The following ANTXR2 variants were observed in gnomAD, a reference collection of about 807,000 sequenced individuals.
ANTXR2 encodes the protein anthrax toxin receptor 2.
ANTXR2 carries 44 observed loss-of-function variants against 73.7 expected under a neutral mutation model. That is an observed-to-expected ratio of 0.60 (90% CI 0.47 to 0.77). The LOEUF (loss-of-function observed/expected upper bound fraction) is 0.77. ANTXR2 is among the 30% of genes least tolerant of loss of function. ANTXR2 has a pLI of 0.00. For missense variants in ANTXR2, 604 were observed against 592.5 expected, an observed-to-expected ratio of 1.02 and a Z score of -0.20; for synonymous variants, 217 against 205.9, an observed-to-expected ratio of 1.05 and a Z score of -0.46.
chr4:79,966,979 G>A (rs1457005914), intron 16 of ANTXR2, among the ~76,000 whole-genome samples: 1 of 27,088 alleles, frequency 3.7e-5, no homozygotes, highest in African/African-American at 5.6e-5. Context: ...CGCAGAAGAC[G>A]GTGATTTCTG....
At chr4:79,953,800 C>A (rs148571355) in intron 16 of ANTXR2, among the ~76,000 whole-genome samples, 1 of 151,774 alleles carries the variant, frequency 6.6e-6, no homozygotes, top group Non-Finnish European at 1.5e-5. Flanking sequence ...AATTTTCTGA[C>A]GCCAATATTT....
At position 79,902,680 on chromosome 4, in the gene ANTXR2, A is replaced by G. The variant is rs1034117177; in HGVS notation, c.*4749T>C. On this transcript the variant is annotated 3_prime_UTR_variant, in exon 17 of 17. Transcript: ENST00000403729. ...CAAATTTAATTATAAGAAATTAACT[A>G]AGAAATTATTATGGCTAATTATCAA... The G allele has an allele frequency of 6.6e-6, 1 of 152,100 alleles. No individual in the cohort carries two copies. The highest frequency in any genetic ancestry group is 1.5e-5 in the Non-Finnish European group (1 of 68,014). 9.4% of individuals were successfully genotyped at this position (152,100 alleles called of 1,614,324 possible). A position where few individuals can be genotyped will look rare whatever the true frequency, so the allele number is the denominator to read the frequency against.
At position 79,903,094 on chromosome 4, in the gene ANTXR2, A is replaced by C. The variant is rs2109917012; in HGVS notation, c.*4335T>G. Reference sequence around the variant, plus strand: ...AACCCAGGAAGAGGAGGTTACAGTCAGCCCAGACCATGCCATTGAACTCCA... The same window carrying C: ...AACCCAGGAAGAGGAGGTTACAGTCCGCCCAGACCATGCCATTGAACTCCA... On this transcript the variant is annotated 3_prime_UTR_variant, in exon 17 of 17. Transcript: ENST00000403729. The C allele has an allele frequency of 6.6e-6, 1 of 152,066 alleles. No homozygotes were observed. Among genetic ancestry groups the C allele is most frequent in the South Asian group, 2.1e-4 (1 of 4,820 alleles). The allele number at this position is 152,066 out of a possible 1,614,324, so 9.4% of individuals were successfully genotyped here. A position where few individuals can be genotyped will look rare whatever the true frequency, so the allele number is the denominator to read the frequency against.
At chr4:79,976,146 TC>T (rs1233017885) in intron 16 of ANTXR2, among the ~76,000 whole-genome samples, 2 of 151,962 alleles carry the variant, frequency 1.3e-5, no homozygotes, top group Admixed American at 1.3e-4. Context: ...TCTCCTGACC[TC>T]GTGATCCGCC....
intron 10 of ANTXR2, among the ~76,000 whole-genome samples, 153 bp from the exon 11 acceptor site, chr4:80,019,129 C>T (rs2110069083): frequency 6.6e-6 from 1 of 152,252 alleles, no homozygotes; most frequent in South Asian, 2.1e-4. Flanking sequence ...CCCACCTCGG[C>T]CTCCCAAAGT....
chr4:79,996,761 A>C (rs1730749658), intron 12 of ANTXR2, among the ~76,000 whole-genome samples: 1 of 152,014 alleles, frequency 6.6e-6, no homozygotes, highest in South Asian at 2.1e-4. Flanking sequence ...TCTTATATCA[A>C]ATAGTGCAAG....
chr4:79,993,760 G>GCGCGCGCGCACACACACA (rs71662888), intron 12 of ANTXR2, among the ~76,000 whole-genome samples: 9,148 of 140,630 alleles, frequency 0.065, 730 homozygotes, highest in East Asian at 0.45. Context: ...ACACACACAC[G>GCGCGCGCGCACACACACA]CACACACACA....
rs1348652284 is a variant in ANTXR2 at position 79,901,597 on chromosome 4, T to A, written c.*5832A>T. 1 of 147,134 alleles carries A rather than the reference T, an allele frequency of 6.8e-6. No individual in the cohort carries two copies. Among genetic ancestry groups the A allele is most frequent in the Non-Finnish European group, 1.5e-5 (1 of 66,534 alleles). The allele number at this position is 147,134 out of a possible 1,614,324, so 9.1% of individuals were successfully genotyped here. A position where few individuals can be genotyped will look rare whatever the true frequency, so the allele number is the denominator to read the frequency against. On this transcript the variant is annotated 3_prime_UTR_variant, in exon 17 of 17. Transcript: ENST00000403729. ...CCGGGGGGTGGGGGGTGGGGATGGTTTCAGGATAATTCAAGTGGATTACAT... is the reference window on the plus strand; with the variant it reads ...CCGGGGGGTGGGGGGTGGGGATGGTATCAGGATAATTCAAGTGGATTACAT...
At position 80,004,724 on chromosome 4, in the gene ANTXR2, G is replaced by A. The variant is rs887713876; in HGVS notation, c.1041+3797C>T. On this transcript the variant is annotated intron_variant, in intron 12 of 16. Transcript: ENST00000403729. Reference sequence around the variant, plus strand: ...TTTTTAATTTAATCACATCTGTAAAGTCCCTTTTGCTATATCAGGTAACAT... The same window carrying A: ...TTTTTAATTTAATCACATCTGTAAAATCCCTTTTGCTATATCAGGTAACAT... Among the ~76,000 whole-genome samples the A allele has an allele frequency of 1.7e-4, 26 of 152,198 alleles. 1 individual carries two copies. Among genetic ancestry groups the A allele is most frequent in the African/African-American group, 5.8e-4 (24 of 41,546 alleles).
At chr4:80,063,568 T>C (rs1734363191) in intron 3 of ANTXR2, among the ~76,000 whole-genome samples, 2 of 152,142 alleles carry the variant, frequency 1.3e-5, no homozygotes, top group Admixed American at 6.5e-5. Context: ...ATTTGTTGTA[T>C]GTTCTCTAGA....
chr4:80,010,596 G>T (rs1365656988), intron 11 of ANTXR2, among the ~76,000 whole-genome samples: 1 of 152,086 alleles, frequency 6.6e-6, no homozygotes, highest in African/African-American at 2.4e-5. Context: ...CATGCAACTA[G>T]AGGCCATGAA....
intron 16 of ANTXR2, among the ~76,000 whole-genome samples, chr4:79,976,735 TC>T (rs1456605440): frequency 6.6e-5 from 10 of 152,160 alleles, no homozygotes; most frequent in African/African-American, 2.2e-4. Context: ...ACCCTTGAAT[TC>T]TTTTCTGGAT....
chr4:80,017,847 A>C (rs1731949537), intron 11 of ANTXR2, among the ~76,000 whole-genome samples: 1 of 152,070 alleles, frequency 6.6e-6, no homozygotes, highest in South Asian at 2.1e-4. Context: ...GAGAAAAAAA[A>C]CCCTCCCCAA....
intron 16 of ANTXR2, among the ~76,000 whole-genome samples, chr4:79,929,051 G>A (rs565835336): frequency 2.6e-5 from 4 of 152,144 alleles, no homozygotes; most frequent in African/African-American, 9.6e-5. Context: ...TAGAGTGCGG[G>A]GCAAAAGAAT....
chr4:80,024,972 T>C (rs969430652), intron 10 of ANTXR2, among the ~76,000 whole-genome samples: 9 of 152,170 alleles, frequency 5.9e-5, no homozygotes, highest in Non-Finnish European at 1.0e-4. Context: ...CTTAATTTTC[T>C]ATAAATTGGT....
chr4:79,917,430 C>G (rs11736045), intron 16 of ANTXR2, among the ~76,000 whole-genome samples: 6,048 of 152,212 alleles, frequency 0.04, 186 homozygotes, highest in Middle Eastern at 0.061. Context: ...GGGGCCCTCT[C>G]AGATTGCAAG....
At chr4:80,007,559 G>C (rs1731366003) in intron 12 of ANTXR2, among the ~76,000 whole-genome samples, 1 of 152,198 alleles carries the variant, frequency 6.6e-6, no homozygotes, top group Non-Finnish European at 1.5e-5. Context: ...AGGATCTTGA[G>C]ATGGGAGATG....
chr4:79,975,700 G>A (rs1199346423), intron 16 of ANTXR2, among the ~76,000 whole-genome samples: 1 of 152,160 alleles, frequency 6.6e-6, no homozygotes, highest in Non-Finnish European at 1.5e-5. Context: ...GCATGTAGAA[G>A]AGGAAGAAGA....
intron 16 of ANTXR2, among the ~76,000 whole-genome samples, chr4:79,911,504 T>A (rs1727136029): frequency 6.6e-6 from 1 of 151,838 alleles, no homozygotes; most frequent in Non-Finnish European, 1.5e-5. Flanking sequence ...AATATTTTAT[T>A]CTCTATATAG....
Sources: allele counts gnomAD v4.1 joint callset (sites outside exome capture counted in the v4.1 genomes callset), GRCh38; gene constraint gnomAD v4.1.1; transcripts MANE v1.5; gene names NCBI Gene and HGNC (gene_info 2026-07-23, HGNC 2026-07-21).